The following FOXP2 variants were observed in gnomAD, a reference collection of about 807,000 sequenced individuals.
FOXP2 encodes the protein forkhead box P2, also known as forkhead box protein P2.
FOXP2 carries 12 observed loss-of-function variants against 115.8 expected under a neutral mutation model. The observed-to-expected ratio is 0.10, with a 90% CI of 0.07 to 0.17. The LOEUF is 0.17. FOXP2 is among the 10% of genes least tolerant of loss of function. The pLI is 1.00. For synonymous variants in FOXP2, 328 were observed against 297.7 expected (o/e 1.10, Z -1.05); for missense variants, 629 against 843.5 (o/e 0.75, Z 3.15).
At chr7:114,533,179 T>C (rs1399127010) in intron 2 of FOXP2, among the ~76,000 whole-genome samples, 1 of 151,966 alleles carries the variant, frequency 6.6e-6, no homozygotes, top group Non-Finnish European at 1.5e-5. Context: ...TTACAAACTA[T>C]GCCAGATCCT....
chr7:114,218,716 T>C (rs975707304), intron 1 of FOXP2, among the ~76,000 whole-genome samples: 1 of 152,232 alleles, frequency 6.6e-6, no homozygotes, highest in African/African-American at 2.4e-5. Context: ...TATGAAAGAA[T>C]AGTCTTCACT....
chr7:114,145,753 T>C (rs1015441157), intron 1 of FOXP2, among the ~76,000 whole-genome samples: 1 of 152,128 alleles, frequency 6.6e-6, no homozygotes, highest in Non-Finnish European at 1.5e-5. Flanking sequence ...AGAACATATA[T>C]GCAATTCTAT....
intron 1 of FOXP2, among the ~76,000 whole-genome samples, chr7:114,270,105 T>C (rs568790231): frequency 2.0e-5 from 3 of 152,342 alleles, no homozygotes; most frequent in African/African-American, 7.2e-5. Context: ...TTCTTTCACT[T>C]AATAATATAC....
upstream of FOXP2, among the ~76,000 whole-genome samples, chr7:114,087,197 C>T (rs1799437287): frequency 6.6e-6 from 1 of 152,096 alleles, no homozygotes; most frequent in Non-Finnish European, 1.5e-5. Flanking sequence ...GGCACTTCAG[C>T]GTTCATCTCA....
At chr7:114,676,113 G>A (rs1407723245) in intron 16 of FOXP2, among the ~76,000 whole-genome samples, 5 of 118,622 alleles carry the variant, frequency 4.2e-5, no homozygotes, top group African/African-American at 1.7e-4. Flanking sequence ...ATTTTTAGTA[G>A]AGACAGGGTT....
intron 1 of FOXP2, among the ~76,000 whole-genome samples, chr7:114,253,889 G>A (rs573353937): frequency 5.0e-4 from 76 of 152,254 alleles, no homozygotes; most frequent in African/African-American, 1.7e-3. Flanking sequence ...TCCTAGCCTC[G>A]ATGGTCTTTA....
chr7:114,112,704 C>T (rs13246546), intron 1 of FOXP2, among the ~76,000 whole-genome samples: 30,962 of 152,054 alleles, frequency 0.2, 4,049 homozygotes, highest in Middle Eastern at 0.31. Context: ...TAGGGAGGCT[C>T]CAGTGGAACT....
At chr7:114,092,006 T>A (rs1032358051) in intron 1 of FOXP2, among the ~76,000 whole-genome samples, 3 of 152,042 alleles carry the variant, frequency 2.0e-5, no homozygotes, top group Non-Finnish European at 4.4e-5. Context: ...GTATAATATG[T>A]TATACAGAAC....
At chr7:114,270,446 T>C (rs1796007491) in intron 1 of FOXP2, among the ~76,000 whole-genome samples, 1 of 152,214 alleles carries the variant, frequency 6.6e-6, no homozygotes, top group Non-Finnish European at 1.5e-5. Flanking sequence ...CAACAATGAA[T>C]GAAGGTTTCT....
intron 2 of FOXP2, among the ~76,000 whole-genome samples, chr7:114,438,259 T>G (rs966599255): frequency 8.5e-5 from 13 of 152,140 alleles, no homozygotes; most frequent in African/African-American, 2.9e-4. Flanking sequence ...GCCTTAAATT[T>G]TATAAACAAT....
At chr7:114,686,177 CTT>C (rs1032625310) in intron 16 of FOXP2, among the ~76,000 whole-genome samples, 9 of 144,562 alleles carry the variant, frequency 6.2e-5, no homozygotes, top group Admixed American at 7.0e-5. Context: ...TATAATACTT[CTT>C]TTTTTTTTTT....
chr7:114,690,971 A>G lies in FOXP2; in HGVS notation c.*1045A>G, dbSNP rs753268572. 1 of 454,496 alleles carries G rather than the reference A, an allele frequency of 2.2e-6. No homozygotes were observed. The highest frequency in any genetic ancestry group is 1.6e-5 in the South Asian group (1 of 64,476). The allele number at this position is 454,496 out of a possible 1,614,324, so 28.2% of individuals were successfully genotyped here. On this transcript the variant is annotated 3_prime_UTR_variant, in exon 17 of 17. Transcript: ENST00000350908. ...AATTCAGTCACAGAGTAATCTTCTG[A>G]GGCCAAAAGTCCATCTAAATGCAAT...
At chr7:114,538,363 G>A in intron 3 of FOXP2, 1 of 1,303,026 alleles carries the variant, frequency 7.7e-7, no homozygotes, top group South Asian at 1.2e-5. Flanking sequence ...CAGCTGTGCA[G>A]AGCAGAGACG....
intron 1 of FOXP2, among the ~76,000 whole-genome samples, chr7:114,232,115 T>C (rs1288482543): frequency 1.3e-5 from 2 of 152,120 alleles, no homozygotes; most frequent in Non-Finnish European, 2.9e-5. Flanking sequence ...AGATTCTCAA[T>C]ATCACTAATC....
At chr7:114,505,491 T>A (rs1797761533) in intron 2 of FOXP2, among the ~76,000 whole-genome samples, 1 of 151,464 alleles carries the variant, frequency 6.6e-6, no homozygotes, top group Admixed American at 6.6e-5. Flanking sequence ...TATATGCATA[T>A]TTATCTATCA....
chr7:114,490,684 T>C (rs897614693), intron 2 of FOXP2, among the ~76,000 whole-genome samples: 2 of 152,084 alleles, frequency 1.3e-5, no homozygotes, highest in South Asian at 2.1e-4. Context: ...GGCCCTGGTA[T>C]GTGATGTTCC....
At chr7:114,590,464 C>T (rs896016765) in intron 3 of FOXP2, among the ~76,000 whole-genome samples, 1 of 152,132 alleles carries the variant, frequency 6.6e-6, no homozygotes, top group Admixed American at 6.6e-5. Flanking sequence ...TATAGTGATA[C>T]AAGCTTTTCT....
At chr7:114,237,686 A>G (rs935595392) in intron 1 of FOXP2, among the ~76,000 whole-genome samples, 1 of 150,414 alleles carries the variant, frequency 6.6e-6, no homozygotes, top group African/African-American at 2.5e-5. Flanking sequence ...ATTGTATTCT[A>G]TTTTAGGCAG....
intron 1 of FOXP2, among the ~76,000 whole-genome samples, chr7:114,134,963 A>G (rs1584498919): frequency 6.6e-6 from 1 of 152,328 alleles, no homozygotes; most frequent in East Asian, 1.9e-4. Context: ...TTCTCTCCAT[A>G]ATGTCAGATT....
Sources: gnomAD v4.1 joint callset for allele counts (sites outside exome capture counted in the v4.1 genomes callset) on GRCh38, gnomAD v4.1.1 for gene constraint, MANE v1.5 for transcripts, NCBI Gene and HGNC (gene_info 2026-07-23, HGNC 2026-07-21) for gene names.